The following STK4 variants were observed in gnomAD, a reference collection of about 807,000 sequenced individuals.
STK4 encodes serine/threonine kinase 4, also known as serine/threonine-protein kinase 4.
In STK4, 30 loss-of-function variants were observed where a neutral mutation model predicts 64.9. That is an observed-to-expected ratio of 0.46 (90% CI 0.35 to 0.63). The LOEUF (loss-of-function observed/expected upper bound fraction) is 0.63, where lower values mean the gene tolerates loss of function less well. Among genes scored for constraint, STK4 ranks in the 20% least tolerant of loss-of-function variants. STK4 has a pLI of 0.01. For synonymous variants in STK4, 177 were observed against 199.0 expected (o/e 0.89, Z 0.93); for missense variants, 466 against 598.5 (o/e 0.78, Z 2.31).
intron 10 of STK4, among the ~76,000 whole-genome samples, chr20:45,037,651 T>C (rs1198916869): frequency 6.6e-6 from 1 of 152,154 alleles, no homozygotes; most frequent in Non-Finnish European, 1.5e-5. Context: ...CCCTGAGTTT[T>C]TCCCAGGAGG....
At chr20:44,975,292 ATCT>A in intron 2 of STK4, 2 of 922,202 alleles carry the variant, frequency 2.2e-6, no homozygotes, top group Non-Finnish European at 2.6e-6. Flanking sequence ...GATTGCTGAA[ATCT>A]TCTAACCACC....
intron 10 of STK4, among the ~76,000 whole-genome samples, chr20:45,052,272 C>T (rs2068787932): frequency 8.9e-6 from 1 of 112,286 alleles, no homozygotes. Context: ...TCTTACAACT[C>T]TTCCACCCCC....
chr20:44,984,393 G>C (rs2067495421), intron 4 of STK4, among the ~76,000 whole-genome samples: 1 of 151,870 alleles, frequency 6.6e-6, no homozygotes, highest in Non-Finnish European at 1.5e-5. Context: ...TAGTAGAGAC[G>C]TGGTTTCACC....
chr20:44,975,767 T>C (rs1313729256), intron 2 of STK4: 1 of 152,196 alleles, frequency 6.6e-6, no homozygotes, highest in Non-Finnish European at 1.5e-5. Flanking sequence ...TGTATTTAAG[T>C]ATGGTATCTT....
At chr20:45,061,076 T>C (rs567406995) in intron 10 of STK4, among the ~76,000 whole-genome samples, 1 of 152,346 alleles carries the variant, frequency 6.6e-6, no homozygotes, top group East Asian at 1.9e-4. Context: ...GAAAAAAATC[T>C]GTGTTTGGTC....
chr20:45,069,776 T>C (rs144035784), intron 10 of STK4, among the ~76,000 whole-genome samples: 25 of 152,342 alleles, frequency 1.6e-4, no homozygotes, highest in African/African-American at 5.3e-4. Context: ...AATTTATTCA[T>C]TTCTTCAACC....
intron 10 of STK4, among the ~76,000 whole-genome samples, chr20:45,038,437 G>A (rs923056597): frequency 1.3e-5 from 2 of 151,950 alleles, no homozygotes; most frequent in Admixed American, 1.3e-4. Flanking sequence ...TAGCTTGTTT[G>A]AATTAGGATC....
chr20:44,992,508 T>C (rs2067653415), intron 5 of STK4, among the ~76,000 whole-genome samples: 4 of 151,290 alleles, frequency 2.6e-5, no homozygotes, highest in Admixed American at 2.6e-4. Context: ...TCCCAAAGTA[T>C]TGGGATTAGA....
chr20:44,978,493 T>C lies in STK4; in HGVS notation c.167T>C (p.Val56Ala), dbSNP rs374689115. 12 of 1,614,052 alleles carry C rather than the reference T, an allele frequency of 7.4e-6. No individual in the cohort carries two copies. Among genetic ancestry groups the C allele is most frequent in the African/African-American group, 2.7e-5 (2 of 74,938 alleles). Residue 56 changes from valine (V) to alanine (A), a missense_variant, in exon 3 of 11, where the codon GTT (valine) becomes GCT (alanine). This residue lies in a region of STK4 where 190 missense variants were observed against 289.7 expected (regional missense o/e 0.66). Coordinates refer to ENST00000372806, the MANE Select transcript of STK4 (RefSeq NM_006282.5). ...ATTCATAAAGAGACCGGCCAGATTG[T>C]TGCTATTAAGCAAGTTCCTGTGGAA... ...KAIHKETGQI[V>A]AIKQVPVESD...
Position 44,995,099 on chromosome 20 carries a change from G to A in STK4, c.535G>A (p.Ala179Thr). ...GVAGQLTDTM[A>T]KRNTVIGTPF... The stretch of plus-strand genomic sequence containing the variant: ...TCCCTTTCTATTTTAGGATACCATG[G>A]CCAAGCGGAATACAGTGATAGGAAC... Residue 179 changes from alanine to threonine, a missense_variant, in exon 6 of 11, where the codon GCC becomes ACC. This residue lies in a region of STK4 where 190 missense variants were observed against 289.7 expected (regional missense o/e 0.66). Transcript: ENST00000372806. 2 of 1,601,392 alleles carry A rather than the reference G, an allele frequency of 1.2e-6. No individual in the cohort carries two copies. Among genetic ancestry groups the A allele is most frequent in the Non-Finnish European group, 1.7e-6 (2 of 1,173,722 alleles).
In STK4 at chr20:45,076,548, C is replaced by G. The variant is rs142124819; in HGVS notation, c.*1372C>G. On this transcript the variant is annotated 3_prime_UTR_variant, in exon 11 of 11. Transcript: ENST00000372806. The surrounding 1 kb of genome is among the most constrained non-coding windows in gnomAD (Gnocchi z 4.0). ...TAGATGACCTGGCTGTAAAGAGATT[C>G]CCTGGACGAGCCAGATCATTCAGTT... is the stretch of plus-strand genomic sequence containing the variant. 1.3e-5 allele frequency: 2 copies of G among 152,332 alleles called. 1 individual carries two copies. The highest frequency in any genetic ancestry group is 3.9e-4 in the East Asian group (2 of 5,186). The allele number at this position is 152,332 out of a possible 1,614,324, so 9.4% of individuals were successfully genotyped here. A position where few individuals can be genotyped will look rare whatever the true frequency, so the allele number is the denominator to read the frequency against.
chr20:44,988,533 G>GTGTGTA (rs1221720136), intron 5 of STK4, among the ~76,000 whole-genome samples: 2 of 101,576 alleles, frequency 2.0e-5, no homozygotes, highest in African/African-American at 4.8e-5. Context: ...ATGTGTGTGT[G>GTGTGTA]TATATATATA....
At chr20:44,982,065 G>GT in intron 4 of STK4, 122 bp downstream of exon 4, 1 of 492,772 alleles carries the variant, frequency 2.0e-6, no homozygotes, top group Non-Finnish European at 3.6e-6. Flanking sequence ...CTTTTCCATG[G>GT]TTATTTTCCA....
chr20:45,034,984 A>G (rs2068504798), intron 10 of STK4, among the ~76,000 whole-genome samples: 1 of 152,124 alleles, frequency 6.6e-6, no homozygotes, highest in Admixed American at 6.6e-5. Flanking sequence ...CTATGTATGT[A>G]TATGTGTGTG....
intron 9 of STK4, among the ~76,000 whole-genome samples, chr20:45,005,533 A>G (rs1312102751): frequency 6.6e-6 from 1 of 151,434 alleles, no homozygotes; most frequent in African/African-American, 2.4e-5. Flanking sequence ...CTATAGTCCT[A>G]GCTACTCGGG....
In STK4 at chr20:45,011,708, C is replaced by CATATATATATATATATAT. The variant is rs749788988; in HGVS notation, c.1147+10360_1147+10377dup. Reference sequence around the variant, plus strand: ...TTTGAAAGTTCTTGTGTAGAACATACATATATATATATATATATATATTTT... The same window carrying CATATATATATATATATAT: ...TTTGAAAGTTCTTGTGTAGAACATACATATATATATATATATATATATATATATATATATATATATTTT... On this transcript the variant is annotated intron_variant, in intron 9 of 10. Coordinates refer to ENST00000372806, the MANE Select transcript of STK4 (RefSeq NM_006282.5). 3.7e-3 allele frequency among the ~76,000 whole-genome samples: 323 copies of CATATATATATATATATAT among 86,778 alleles called. 10 individuals carry two copies. Among genetic ancestry groups the CATATATATATATATATAT allele is most frequent in the African/African-American group, 0.015 (296 of 19,720 alleles). The allele number at this position is 86,778 out of a possible 152,430, so 56.9% of individuals were successfully genotyped here. A position where few individuals can be genotyped will look rare whatever the true frequency, so the allele number is the denominator to read the frequency against.
intron 10 of STK4, among the ~76,000 whole-genome samples, chr20:45,071,183 A>G (rs551159709): frequency 6.6e-5 from 10 of 152,256 alleles, no homozygotes; most frequent in African/African-American, 2.2e-4. Flanking sequence ...TTCACATCCT[A>G]TGGGATAGAT....
intron 10 of STK4, among the ~76,000 whole-genome samples, chr20:45,049,147 A>G (rs902579188): frequency 1.3e-5 from 2 of 152,338 alleles, no homozygotes; most frequent in Non-Finnish European, 1.5e-5. Context: ...TTCATCAAGC[A>G]GAGTTCACAT....
chr20:45,058,211 C>T (rs978952330), intron 10 of STK4, among the ~76,000 whole-genome samples: 6 of 151,338 alleles, frequency 4.0e-5, no homozygotes, highest in African/African-American at 1.5e-4. Context: ...GCTTTTGTTG[C>T]AGATTTTTTT....
Sources: allele counts gnomAD v4.1 joint callset (sites outside exome capture counted in the v4.1 genomes callset), GRCh38; gene constraint gnomAD v4.1.1; regional missense constraint gnomAD v4.1.1; non-coding constraint Gnocchi (gnomAD v3.1); transcripts MANE v1.5; gene names NCBI Gene and HGNC (gene_info 2026-07-23, HGNC 2026-07-21).